TMEM161B: variants seen among roughly 807,000 people sequenced by gnomAD.
TMEM161B encodes the protein transmembrane protein 161B.
In TMEM161B, 34 loss-of-function variants were observed where a neutral mutation model predicts 61.8. That is an observed-to-expected ratio of 0.55 (90% CI 0.42 to 0.73). TMEM161B has a LOEUF of 0.73. Ranked by LOEUF, TMEM161B falls within the 30% of genes least tolerant of loss-of-function variation. TMEM161B has a pLI of 0.00. For synonymous variants in TMEM161B, 167 were observed against 192.8 expected, an observed-to-expected ratio of 0.87 and a Z score of 1.11; for missense variants, 456 against 558.5, an observed-to-expected ratio of 0.82 and a Z score of 1.85.
intron 1 of TMEM161B, among the ~76,000 whole-genome samples, chr5:88,242,830 T>C (rs1752967043): frequency 6.6e-6 from 1 of 151,296 alleles, no homozygotes; most frequent in South Asian, 2.1e-4. Flanking sequence ...TCCTAAATGA[T>C]AAAAGAAGAT....
At chr5:88,218,729 C>T (rs1163949000) in intron 5 of TMEM161B, among the ~76,000 whole-genome samples, 1 of 152,088 alleles carries the variant, frequency 6.6e-6, no homozygotes, top group Non-Finnish European at 1.5e-5. Context: ...TTGGCAGCTG[C>T]AGTTCTTAAG....
chr5:88,189,991 C>CA (rs1370946530), exon 13 of TMEM161B: 1 of 689,178 alleles, frequency 1.5e-6, no homozygotes, highest in African/African-American at 1.8e-5. Context: ...AAGTCAGCCA[C>CA]AAACGCCAGC....
In TMEM161B at chr5:88,268,743, G is replaced by A; in HGVS notation, c.-20C>T. 2 of 1,614,060 alleles carry A rather than the reference G, an allele frequency of 1.2e-6. No homozygotes were observed. Among genetic ancestry groups the A allele is most frequent in the Non-Finnish European group, 1.7e-6 (2 of 1,179,970 alleles). ...CACCATGGCGCCTAGGATAGGTCGT[G>A]GACCAGACACCCTGGAGTTGCCGGG... On this transcript the variant is annotated 5_prime_UTR_variant, in exon 1 of 12. Coordinates refer to ENST00000296595, the MANE Select transcript of TMEM161B (RefSeq NM_153354.5).
chr5:88,265,097 A>G (rs1756207031), intron 1 of TMEM161B, among the ~76,000 whole-genome samples: 1 of 152,248 alleles, frequency 6.6e-6, no homozygotes, highest in South Asian at 2.1e-4. Context: ...AACTTAAAGT[A>G]AAATTTGAAA....
intron 10 of TMEM161B, chr5:88,198,757 T>C (rs558988124): frequency 8.0e-6 from 4 of 497,550 alleles, no homozygotes; most frequent in African/African-American, 7.9e-5. Context: ...ACCCACTGTA[T>C]GACACCAAGC....
chr5:88,224,710 G>T (rs1416222590), intron 4 of TMEM161B, among the ~76,000 whole-genome samples: 7 of 152,094 alleles, frequency 4.6e-5, no homozygotes, highest in African/African-American at 1.7e-4. Flanking sequence ...AACTGTGCGT[G>T]TCTACTTATA....
At chr5:88,191,549 T>C (rs1748853716), downstream of TMEM161B, among the ~76,000 whole-genome samples, 1 of 152,176 alleles carries the variant, frequency 6.6e-6, no homozygotes, top group Non-Finnish European at 1.5e-5. Context: ...CTTTGTGAAG[T>C]CATTTTCAAA....
intron 5 of TMEM161B, among the ~76,000 whole-genome samples, chr5:88,210,317 TCAATA>T (rs1057105937): frequency 6.6e-6 from 1 of 152,206 alleles, no homozygotes; most frequent in African/African-American, 2.4e-5. Context: ...AACATATGGA[TCAATA>T]CAATACAAAC....
chr5:88,262,792 G>A (rs1049664913), intron 1 of TMEM161B, among the ~76,000 whole-genome samples: 1 of 152,016 alleles, frequency 6.6e-6, no homozygotes, highest in Non-Finnish European at 1.5e-5. Context: ...TACCACTCTG[G>A]TGAAGGATGT....
At chr5:88,214,732 AAATGG>A (rs1191655549) in intron 5 of TMEM161B, among the ~76,000 whole-genome samples, 1 of 152,230 alleles carries the variant, frequency 6.6e-6, no homozygotes, top group East Asian at 1.9e-4. Context: ...AACTTGGCAT[AAATGG>A]AAGTGGAACA....
chr5:88,244,095 G>T (rs1279524180), intron 1 of TMEM161B, among the ~76,000 whole-genome samples: 1 of 151,808 alleles, frequency 6.6e-6, no homozygotes, highest in Non-Finnish European at 1.5e-5. Context: ...GTTGTTTGTT[G>T]ATAGTTTCCT....
intron 1 of TMEM161B, among the ~76,000 whole-genome samples, chr5:88,257,854 T>C (rs1755169342): frequency 6.6e-6 from 1 of 152,120 alleles, no homozygotes; most frequent in Non-Finnish European, 1.5e-5. Context: ...CCTCAATTAG[T>C]AGTTTGTGGG....
At chr5:88,230,078 G>A (rs1310146370) in intron 2 of TMEM161B, among the ~76,000 whole-genome samples, 1 of 152,002 alleles carries the variant, frequency 6.6e-6, no homozygotes, top group Non-Finnish European at 1.5e-5. Flanking sequence ...TGTGGTCGGG[G>A]GAGAGGGTGA....
chr5:88,213,547 T>C (rs1215874000), intron 5 of TMEM161B, among the ~76,000 whole-genome samples: 1 of 136,010 alleles, frequency 7.4e-6, no homozygotes, highest in Non-Finnish European at 1.6e-5. Flanking sequence ...ATACAACCTT[T>C]ATTTAAAATA....
chr5:88,252,805 T>C (rs1054595791), intron 1 of TMEM161B, among the ~76,000 whole-genome samples: 6 of 152,192 alleles, frequency 3.9e-5, no homozygotes, highest in African/African-American at 1.4e-4. Context: ...TCAATCTTTA[T>C]GTATTGGAGA....
downstream of TMEM161B, among the ~76,000 whole-genome samples, chr5:88,194,404 A>T (rs1377446300): frequency 6.6e-6 from 1 of 152,078 alleles, no homozygotes; most frequent in Admixed American, 6.6e-5. Flanking sequence ...ACTGATGGCC[A>T]CTTAGGTTGA....
intron 1 of TMEM161B, among the ~76,000 whole-genome samples, chr5:88,258,194 C>T (rs780334930): frequency 3.4e-4 from 52 of 152,152 alleles, no homozygotes; most frequent in Non-Finnish European, 5.3e-4. Flanking sequence ...GTTTTTAAAG[C>T]GTGCTTATCT....
chr5:88,243,332 C>G lies in TMEM161B; in HGVS notation c.4-2416G>C, dbSNP rs551759442. ...TTTAGCTCTCACTTATAAATGAAAA[C>G]ATGCGGTATTTGGTTTTCTGTTCCT... On this transcript the variant is annotated intron_variant, in intron 1 of 11. Coordinates refer to ENST00000296595, the MANE Select transcript of TMEM161B (RefSeq NM_153354.5). Among the ~76,000 whole-genome samples, 5 of 151,892 alleles carry G rather than the reference C, an allele frequency of 3.3e-5. No homozygotes were observed. The South Asian group carries it at 1.0e-3, about 31-fold the overall frequency.
At chr5:88,262,693 T>C (rs1472293659) in intron 1 of TMEM161B, among the ~76,000 whole-genome samples, 2 of 152,154 alleles carry the variant, frequency 1.3e-5, no homozygotes, top group East Asian at 1.9e-4. Context: ...ACCCATAGAA[T>C]GTACAACACC....
Sources: allele counts gnomAD v4.1 joint callset (sites outside exome capture counted in the v4.1 genomes callset), GRCh38; gene constraint gnomAD v4.1.1; transcripts MANE v1.5; gene names NCBI Gene and HGNC (gene_info 2026-07-23, HGNC 2026-07-21).